RUSC2: variants seen among roughly 807,000 people sequenced by gnomAD.
RUSC2 encodes AP-4 complex accessory subunit RUSC2.
RUSC2 carries 34 observed loss-of-function variants against 122.2 expected under a neutral mutation model. The ratio of observed to expected loss-of-function variants is 0.28; its 90% CI spans 0.21 to 0.37. RUSC2 has a LOEUF of 0.37. Among genes scored for constraint, RUSC2 ranks in the 10% least tolerant of loss-of-function variants. The pLI is 1.00. For missense variants in RUSC2, 1,747 were observed against 1,952.4 expected (o/e 0.89, Z 1.98); for synonymous variants, 784 against 790.0 (o/e 0.99, Z 0.13).
chr9:35,495,816 T>G (rs201220139), intron 1 of RUSC2, among the ~76,000 whole-genome samples: 1 of 152,192 alleles, frequency 6.6e-6, no homozygotes, highest in East Asian at 1.9e-4. Flanking sequence ...CAGATGTTTT[T>G]TCATTTATTT....
intron 1 of RUSC2, among the ~76,000 whole-genome samples, chr9:35,529,749 T>A (rs577742371): frequency 6.6e-6 from 1 of 152,128 alleles, no homozygotes; most frequent in East Asian, 1.9e-4. Flanking sequence ...ATCCTCAGAA[T>A]GAGCATGGTG....
intron 1 of RUSC2, chr9:35,538,585 G>A (rs1053839363): frequency 1.3e-5 from 2 of 152,474 alleles, no homozygotes; most frequent in African/African-American, 4.8e-5. Context: ...GAAAGGAGGA[G>A]CCTAAAGAAG....
At chr9:35,528,951 A>C (rs1419158507) in intron 1 of RUSC2, among the ~76,000 whole-genome samples, 1 of 152,214 alleles carries the variant, frequency 6.6e-6, no homozygotes. Flanking sequence ...AATTGTAAAA[A>C]GTTTAAAAAA....
intron 1 of RUSC2, among the ~76,000 whole-genome samples, chr9:35,523,829 A>AT (rs966986695): frequency 6.6e-6 from 1 of 151,872 alleles, no homozygotes. Context: ...AATTAAAAAA[A>AT]AAAAATAAAA....
At chr9:35,504,611 G>A (rs534905259) in intron 1 of RUSC2, among the ~76,000 whole-genome samples, 1 of 152,028 alleles carries the variant, frequency 6.6e-6, no homozygotes, top group South Asian at 2.1e-4. Flanking sequence ...TATTACAGGT[G>A]TGCGCCACCA....
chr9:35,537,080 C>T (rs1373411637), intron 1 of RUSC2, among the ~76,000 whole-genome samples: 1 of 152,176 alleles, frequency 6.6e-6, no homozygotes, highest in Non-Finnish European at 1.5e-5. Flanking sequence ...GATCTTTCCT[C>T]AAAACCCTAG....
chr9:35,522,496 A>G (rs867911265), intron 1 of RUSC2, among the ~76,000 whole-genome samples: 1 of 152,210 alleles, frequency 6.6e-6, no homozygotes, highest in African/African-American at 2.4e-5. Flanking sequence ...TTACACCCTG[A>G]AACTTTCTTT....
At position 35,560,083 on chromosome 9, in the gene RUSC2, T is replaced by C. The variant is rs931548887; in HGVS notation, c.3443T>C (p.Val1148Ala). ...GGCTTCCTGAGTGCAGCTCATACCGTGTGTCCCGGCCTCTTTGAAGAGCTG... is the reference window on the plus strand; with the variant it reads ...GGCTTCCTGAGTGCAGCTCATACCGCGTGTCCCGGCCTCTTTGAAGAGCTG... ...PWGFLSAAHT[V>A]CPGLFEELLL... The change falls in exon 10 of 12, where the codon GTG (valine) becomes GCG (alanine). Residue 1148 changes from valine to alanine, a missense_variant. By Grantham distance (64) the Val-to-Ala change is moderately conservative (BLOSUM62 0). Coordinates refer to ENST00000361226, the MANE Select transcript of RUSC2 (RefSeq NM_014806.5). 7 of 1,613,614 alleles carry C rather than the reference T, an allele frequency of 4.3e-6. No homozygotes were observed. In the African/African-American group the frequency reaches 6.7e-5, roughly 15 times the overall value.
rs771012780 is a variant in RUSC2 at position 35,555,089 on chromosome 9, C to T, written c.2044C>T (p.Arg682Cys). 5.0e-6 allele frequency: 8 copies of T among 1,613,252 alleles called. No homozygotes were observed. Among genetic ancestry groups the T allele is most frequent in the South Asian group, 1.1e-5 (1 of 91,086 alleles). Residue 682 changes from arginine to cysteine, a missense_variant, in exon 3 of 12, where the codon CGC (arginine) becomes TGC (cysteine). Physicochemically the swap from Arg to Cys is radical, Grantham distance 180. Transcript: ENST00000361226. This position sits in a 1 kb window ranked among gnomAD's most constrained non-coding sequence, Gnocchi z 4.6. ...TGGCACCGAGAGCCGACCAGTCCTT[C>T]GCTACAGCAAGGAACAGAGGCCAAC... The part of the protein sequence containing the change: ...GGGTESRPVL[R>C]YSKEQRPTTL...
At chr9:35,559,717 AGAGT>A (rs1822101184) in intron 9 of RUSC2, among the ~76,000 whole-genome samples, 1 of 152,216 alleles carries the variant, frequency 6.6e-6, no homozygotes, top group Non-Finnish European at 1.5e-5. Context: ...CTTGGGCAAC[AGAGT>A]GAGACTCAGT....
intron 1 of RUSC2, among the ~76,000 whole-genome samples, chr9:35,543,296 C>T (rs1434027043): frequency 1.3e-5 from 2 of 152,084 alleles, no homozygotes; most frequent in Non-Finnish European, 2.9e-5. Context: ...CGTGGTGGCA[C>T]ACACCTGTGG....
intron 1 of RUSC2, among the ~76,000 whole-genome samples, chr9:35,511,222 A>C (rs1277593321): frequency 6.6e-6 from 1 of 152,192 alleles, no homozygotes; most frequent in African/African-American, 2.4e-5. Flanking sequence ...GCTACTCAGC[A>C]GTCCCTATTG....
At chr9:35,545,281 A>G (rs927926122) in intron 1 of RUSC2, among the ~76,000 whole-genome samples, 17 of 152,232 alleles carry the variant, frequency 1.1e-4, no homozygotes, top group Admixed American at 7.9e-4. Context: ...AGGGTGAGTG[A>G]AAAGGAAATG....
chr9:35,553,508 C>T (rs895348954), intron 2 of RUSC2, among the ~76,000 whole-genome samples: 15 of 152,122 alleles, frequency 9.9e-5, no homozygotes, highest in African/African-American at 3.1e-4. Context: ...TTCAACAATG[C>T]TGAAAAGAAA....
In RUSC2 at chr9:35,561,405, T is replaced by TCAGGGACCCTCATAACCCCCAGACTC. The variant is rs749183422; in HGVS notation, c.*24_*49dup. 9.5e-6 allele frequency: 15 copies of TCAGGGACCCTCATAACCCCCAGACTC among 1,577,552 alleles called. No individual in the cohort carries two copies. Among genetic ancestry groups the TCAGGGACCCTCATAACCCCCAGACTC allele is most frequent in the Non-Finnish European group, 1.3e-5 (15 of 1,159,110 alleles). On this transcript the variant is annotated 3_prime_UTR_variant, in exon 12 of 12. Coordinates refer to ENST00000361226, the MANE Select transcript of RUSC2 (RefSeq NM_014806.5). ...TGAGGCCCTGTGCATGCTGGTGGCCTCAGGGACCCTCATAACCCCCAGACT... is the reference window on the plus strand; with the variant it reads ...TGAGGCCCTGTGCATGCTGGTGGCCTCAGGGACCCTCATAACCCCCAGACTCCAGGGACCCTCATAACCCCCAGACT...
intron 1 of RUSC2, among the ~76,000 whole-genome samples, chr9:35,522,411 T>C (rs1821233475): frequency 6.6e-6 from 1 of 152,218 alleles, no homozygotes; most frequent in South Asian, 2.1e-4. Context: ...CATGGGGCAT[T>C]AGGCCTCCTC....
Position 35,560,827 on chromosome 9 carries a change from A to G in RUSC2, c.4187A>G (p.Gln1396Arg). 6.5e-7 allele frequency: 1 copy of G among 1,531,254 alleles called. No homozygotes were observed. The highest frequency in any genetic ancestry group is 1.3e-5 in the South Asian group (1 of 76,388). 94.9% of individuals were successfully genotyped at this position (1,531,254 alleles called of 1,614,324 possible). Reference sequence around the variant, plus strand: ...CACCTCTTTGGCTCCCGAAAAGCCCAGCGGGAGGCCCGGCCCACAAATAGG... The same window carrying G: ...CACCTCTTTGGCTCCCGAAAAGCCCGGCGGGAGGCCCGGCCCACAAATAGG... ...WGHLFGSRKAQREARPTNRLP... is the reference protein window; with the variant it reads ...WGHLFGSRKARREARPTNRLP... The change falls in exon 10 of 12, where the codon CAG becomes CGG. Residue 1396 changes from glutamine (Q) to arginine (R), a missense_variant. Transcript: ENST00000361226.
chr9:35,536,637 A>C (rs1349788629), intron 1 of RUSC2, among the ~76,000 whole-genome samples: 1 of 151,826 alleles, frequency 6.6e-6, no homozygotes, highest in Non-Finnish European at 1.5e-5. Flanking sequence ...ACATGGCAAA[A>C]CCCCGTCTCT....
chr9:35,534,341 G>A (rs1031826092), intron 1 of RUSC2, among the ~76,000 whole-genome samples: 1 of 151,620 alleles, frequency 6.6e-6, no homozygotes, highest in African/African-American at 2.4e-5. Flanking sequence ...TTGGGAAGCC[G>A]AAGCAGGAGG....
Sources: allele counts gnomAD v4.1 joint callset (sites outside exome capture counted in the v4.1 genomes callset), GRCh38; gene constraint gnomAD v4.1.1; non-coding constraint Gnocchi (gnomAD v3.1); transcripts MANE v1.5; gene names NCBI Gene and HGNC (gene_info 2026-07-23, HGNC 2026-07-21).